The following SPAG1 variants were observed in gnomAD, a reference collection of about 807,000 sequenced individuals.
The protein encoded by SPAG1 is sperm associated antigen 1, also known as sperm-associated antigen 1.
Under a neutral mutation model 100.5 loss-of-function variants are expected in SPAG1, and 69 were observed. That is an observed-to-expected ratio of 0.69 (90% confidence interval 0.57 to 0.84). SPAG1 has a LOEUF of 0.84. Ranked by LOEUF, SPAG1 falls within the 40% of genes least tolerant of loss-of-function variation. The probability of loss-of-function intolerance (pLI) is 0.00; values close to 1 mark genes in which losing one functional copy is unlikely to be tolerated. For missense variants in SPAG1, 955 were observed against 1,133.1 expected (o/e 0.84, Z 2.26); for synonymous variants, 336 against 411.6 (o/e 0.82, Z 2.22).
Position 100,176,624 on chromosome 8 carries a change from C to T in SPAG1, c.301-1192C>T, listed in dbSNP as rs193024200. The stretch of plus-strand genomic sequence containing the variant: ...AAGTGATCTGCCCGCTTCGGCCTCC[C>T]GAAGTGCTGGGATTACAGGCGTGAG... On this transcript the variant is annotated intron_variant, in intron 3 of 18. Transcript: ENST00000388798. Among the ~76,000 whole-genome samples the T allele has an allele frequency of 6.5e-3, 988 of 152,260 alleles. 11 individuals carry two copies. Among genetic ancestry groups the T allele is most frequent in the African/African-American group, 0.023 (936 of 41,552 alleles).
rs1254678434 is a variant in SPAG1 at position 100,240,698 on chromosome 8, AT to A, written c.2577del (p.Asn859LysfsTer18). The A allele has an allele frequency of 1.2e-6, 2 of 1,613,818 alleles. No individual in the cohort carries two copies. Among genetic ancestry groups the A allele is most frequent in the Non-Finnish European group, 1.7e-6 (2 of 1,179,950 alleles). ...TFLLLIQSLK[N>X]NLIEKDPSLV... ...CTTCTCCTCATTCAGTCTCTGAAAA[AT>A]AATCTTATTGAAAAAGATCCCTCAT... On this transcript the variant is annotated frameshift_variant, in exon 18 of 19. Coordinates refer to ENST00000388798, the MANE Select transcript of SPAG1 (RefSeq NM_003114.5). LOFTEE classifies it high-confidence loss of function.
chr8:100,216,614 C>G (rs1460195514), intron 12 of SPAG1, among the ~76,000 whole-genome samples: 1 of 152,142 alleles, frequency 6.6e-6, no homozygotes, highest in African/African-American at 2.4e-5. Flanking sequence ...GGCAAGGAAC[C>G]TGGCCTTGCT....
At chr8:100,181,183 T>G (rs550191310) in intron 4 of SPAG1, among the ~76,000 whole-genome samples, 21 of 152,248 alleles carry the variant, frequency 1.4e-4, no homozygotes, top group Non-Finnish European at 2.1e-4. Flanking sequence ...TCTTGAGACT[T>G]TTATTGCTCC....
chr8:100,233,945 T>C (rs1006964894), intron 16 of SPAG1, among the ~76,000 whole-genome samples: 3 of 152,154 alleles, frequency 2.0e-5, no homozygotes, highest in East Asian at 1.9e-4. Context: ...CCAGCGGAAG[T>C]TGGGAGAGAC....
intron 1 of SPAG1, chr8:100,158,885 G>A (rs1047775226): frequency 1.3e-5 from 2 of 150,970 alleles, no homozygotes; most frequent in African/African-American, 4.9e-5. Flanking sequence ...TCCAAAGGTA[G>A]TGAGTTCTCT....
intron 12 of SPAG1, among the ~76,000 whole-genome samples, chr8:100,216,703 G>C (rs1453515820): frequency 6.6e-6 from 1 of 152,200 alleles, no homozygotes; most frequent in Non-Finnish European, 1.5e-5. Flanking sequence ...CAGTGTAAGA[G>C]AAATGGAGAT....
chr8:100,225,452 G>T (rs938614865), intron 14 of SPAG1, 113 bp downstream of exon 14: 2 of 921,754 alleles, frequency 2.2e-6, no homozygotes, highest in Admixed American at 2.5e-5. Context: ...CTAGGTTTAA[G>T]TGAAGTCCCT....
At position 100,240,454 on chromosome 8, in the gene SPAG1, G is replaced by A; in HGVS notation, c.2332G>A (p.Gly778Arg). The change falls in exon 18 of 19, where the codon GGA becomes AGA. Residue 778 changes from glycine (G) to arginine (R), a missense_variant. Transcript: ENST00000388798. ...PGRPAGEVSM[G>R]CLASEKGGKS... Reference sequence around the variant, plus strand: ...AAGACCTGCAGGGGAGGTCTCCATGGGATGCCTTGCTTCTGAGAAGGGAGG... The same window carrying A: ...AAGACCTGCAGGGGAGGTCTCCATGAGATGCCTTGCTTCTGAGAAGGGAGG... 1 of 1,613,750 alleles carries A rather than the reference G, an allele frequency of 6.2e-7. No individual in the cohort carries two copies. The highest frequency in any genetic ancestry group is 8.5e-7 in the Non-Finnish European group (1 of 1,179,806).
At chr8:100,215,314 T>G (rs2132363191) in intron 12 of SPAG1, among the ~76,000 whole-genome samples, 1 of 151,982 alleles carries the variant, frequency 6.6e-6, no homozygotes, top group East Asian at 1.9e-4. Context: ...AACATTGTTT[T>G]CCACCATGAA....
chr8:100,188,992 C>T (rs1563783405), intron 8 of SPAG1, among the ~76,000 whole-genome samples: 1 of 152,158 alleles, frequency 6.6e-6, no homozygotes, highest in East Asian at 1.9e-4. Flanking sequence ...ACTGCTCTGC[C>T]AGGCCCCGTG....
chr8:100,162,270 G>A lies in SPAG1; in HGVS notation c.-2-9G>A, dbSNP rs1393071332. 9.5e-6 allele frequency: 15 copies of A among 1,581,340 alleles called. No homozygotes were observed. The highest frequency in any genetic ancestry group is 1.2e-5 in the Non-Finnish European group (14 of 1,162,786). On this transcript the variant is annotated splice_polypyrimidine_tract_variant and intron_variant, in intron 1 of 18. Coordinates refer to ENST00000388798, the MANE Select transcript of SPAG1 (RefSeq NM_003114.5). ...ATTAGATTAATAACTTTTAAATATT[G>A]TATTTCAGCTATGACCACCAAAGAT...
chr8:100,170,427 G>T (rs1300405464), intron 3 of SPAG1, among the ~76,000 whole-genome samples: 1 of 152,034 alleles, frequency 6.6e-6, no homozygotes, highest in Non-Finnish European at 1.5e-5. Context: ...AGTTTTGAGT[G>T]TACAGTTCAG....
chr8:100,198,830 T>C (rs1475967259), intron 10 of SPAG1, among the ~76,000 whole-genome samples: 2 of 152,214 alleles, frequency 1.3e-5, no homozygotes, highest in African/African-American at 4.8e-5. Flanking sequence ...AGTCTACTTT[T>C]GTTTGTATGG....
intron 4 of SPAG1, among the ~76,000 whole-genome samples, chr8:100,183,108 G>A (rs1816435552): frequency 6.6e-6 from 1 of 152,084 alleles, no homozygotes; most frequent in Non-Finnish European, 1.5e-5. Flanking sequence ...AAGTACCTGG[G>A]ATTAAAGGTG....
chr8:100,208,935 C>T (rs531717887), intron 10 of SPAG1, among the ~76,000 whole-genome samples: 1 of 152,166 alleles, frequency 6.6e-6, no homozygotes, highest in East Asian at 1.9e-4. Flanking sequence ...TACTGAGTGT[C>T]AACTTGATTG....
At chr8:100,163,748 A>G (rs1433824541) in intron 2 of SPAG1, among the ~76,000 whole-genome samples, 1 of 152,132 alleles carries the variant, frequency 6.6e-6, no homozygotes, top group Non-Finnish European at 1.5e-5. Flanking sequence ...TAACATCATC[A>G]TTTTTAAAAT....
intron 10 of SPAG1, among the ~76,000 whole-genome samples, chr8:100,201,586 C>G (rs1200165497): frequency 6.6e-6 from 1 of 152,024 alleles, no homozygotes; most frequent in Admixed American, 6.6e-5. Flanking sequence ...GGTCATAGTT[C>G]CTGATTTATA....
At chr8:100,160,443 A>G (rs1226666877) in intron 1 of SPAG1, among the ~76,000 whole-genome samples, 1 of 152,194 alleles carries the variant, frequency 6.6e-6, no homozygotes, top group Non-Finnish European at 1.5e-5. Context: ...CCTGGCCAAC[A>G]TGGTGAAACC....
chr8:100,218,662 C>T (rs1274666819), intron 12 of SPAG1, among the ~76,000 whole-genome samples: 4 of 152,204 alleles, frequency 2.6e-5, no homozygotes, highest in Non-Finnish European at 4.4e-5. Context: ...TAGCACAGCA[C>T]AAAGACTATC....
Sources: allele counts gnomAD v4.1 joint callset (sites outside exome capture counted in the v4.1 genomes callset), GRCh38; gene constraint gnomAD v4.1.1; transcripts MANE v1.5; gene names NCBI Gene and HGNC (gene_info 2026-07-23, HGNC 2026-07-21).